The following TPST1 variants were observed in gnomAD, a reference collection of about 807,000 sequenced individuals.
The protein encoded by TPST1 is tyrosylprotein sulfotransferase 1, also known as protein-tyrosine sulfotransferase 1.
In TPST1, 20 loss-of-function variants were observed where a neutral mutation model predicts 34.8. That is an observed-to-expected ratio of 0.57 (90% confidence interval 0.40 to 0.84). The LOEUF is 0.84. Ranked by LOEUF, TPST1 falls within the 40% of genes least tolerant of loss-of-function variation. The probability of loss-of-function intolerance (pLI) is 0.00; values close to 1 mark genes in which losing one functional copy is unlikely to be tolerated. For missense variants in TPST1, 353 were observed against 455.5 expected (o/e 0.78, Z 2.05); for synonymous variants, 152 against 159.4 (o/e 0.95, Z 0.35).
rs576111150 is a variant in TPST1, at chr7:66,271,327, C to T, written c.846-15184C>T. Among the ~76,000 whole-genome samples, 103 of 152,182 alleles carry T rather than the reference C, an allele frequency of 6.8e-4. 2 individuals carry two copies. The South Asian group carries it at 8.9e-3, about 13-fold the overall frequency. ...GTGATCAGCTGGGACTACAGGTGCC[C>T]GCCGCCACGCCCGGCTAATTTTTGT... On this transcript the variant is annotated intron_variant, in intron 2 of 5. Transcript: ENST00000304842.
chr7:66,231,495 G>A (rs1789791680), intron 1 of TPST1, among the ~76,000 whole-genome samples: 1 of 152,250 alleles, frequency 6.6e-6, no homozygotes, highest in Admixed American at 6.5e-5. Context: ...CAGGTCCTGA[G>A]CCCTGCCCCG....
intron 2 of TPST1, among the ~76,000 whole-genome samples, chr7:66,248,503 G>GTTTTTTTT (rs373801835): frequency 8.0e-6 from 1 of 124,286 alleles, no homozygotes; most frequent in Non-Finnish European, 1.6e-5. Flanking sequence ...AACATTTAGT[G>GTTTTTTTT]TTTTTTTTTT....
At chr7:66,340,359 C>T (rs978507849) in intron 3 of TPST1, among the ~76,000 whole-genome samples, 5 of 152,248 alleles carry the variant, frequency 3.3e-5, no homozygotes, top group Middle Eastern at 3.4e-3. Context: ...CTAACCACTT[C>T]TGTTCAACTT....
chr7:66,293,737 T>C (rs1000047648), intron 3 of TPST1, among the ~76,000 whole-genome samples: 2 of 152,198 alleles, frequency 1.3e-5, no homozygotes, highest in East Asian at 3.8e-4. Flanking sequence ...TTTCTGTAAA[T>C]CTAATAGCCA....
At chr7:66,275,958 CATGTT>C (rs551246575) in intron 2 of TPST1, among the ~76,000 whole-genome samples, 2 of 151,460 alleles carry the variant, frequency 1.3e-5, no homozygotes, top group Non-Finnish European at 2.9e-5. Context: ...TATTTTAAAA[CATGTT>C]ATATATTCAG....
intron 1 of TPST1, among the ~76,000 whole-genome samples, chr7:66,227,502 A>G (rs12698515): frequency 0.99 from 151,079 of 152,068 alleles, 75,049 homozygotes; most frequent in East Asian, 1. Context: ...GGCTCACTGC[A>G]GCGTCGACCT....
At chr7:66,216,846 G>A (rs952000850) in intron 1 of TPST1, among the ~76,000 whole-genome samples, 9 of 152,312 alleles carry the variant, frequency 5.9e-5, no homozygotes, top group African/African-American at 1.9e-4. Flanking sequence ...AGGTGTTTAC[G>A]CTATAAATTC....
rs150232796 is a variant in TPST1 at position 66,264,056 on chromosome 7, G to T, written c.846-22455G>T. Among the ~76,000 whole-genome samples the T allele has an allele frequency of 1.1e-3, 163 of 152,304 alleles. 6 individuals carry two copies. The East Asian group carries it at 0.029, about 28-fold the overall frequency. On this transcript the variant is annotated intron_variant, in intron 2 of 5. Transcript: ENST00000304842. ...TGGAGGGAGCAGAACAGACCTCATT[G>T]TAAGTATTTGTTTTGCCTTCTTAGG...
At chr7:66,201,546 C>T (rs1789035875), upstream of TPST1, among the ~76,000 whole-genome samples, 3 of 152,120 alleles carry the variant, frequency 2.0e-5, no homozygotes, top group Admixed American at 1.3e-4. Flanking sequence ...CAAAAATTAG[C>T]TGGGCGTGGT....
chr7:66,309,649 AG>A (rs1345893430), intron 3 of TPST1, among the ~76,000 whole-genome samples: 1 of 152,234 alleles, frequency 6.6e-6, no homozygotes, highest in Non-Finnish European at 1.5e-5. Flanking sequence ...TATAAGGCAC[AG>A]GAACTGTTGC....
intron 3 of TPST1, among the ~76,000 whole-genome samples, chr7:66,328,188 A>G (rs1187006144): frequency 2.0e-5 from 3 of 151,220 alleles, no homozygotes; most frequent in Admixed American, 2.0e-4. Context: ...CACCATGCCC[A>G]GCTAATTTTT....
Position 66,352,567 on chromosome 7 carries a change from G to T in TPST1, c.1095+12G>T. The T allele has an allele frequency of 6.2e-7, 1 of 1,612,684 alleles. No individual in the cohort carries two copies. The highest frequency in any genetic ancestry group is 8.5e-7 in the Non-Finnish European group (1 of 1,179,688). The stretch of plus-strand genomic sequence containing the variant: ...AAGAAAAACCACAGGTACTGTGTCT[G>T]CTTTTTCCTCCTGATGTATACTAGA... On this transcript the variant is annotated intron_variant, in intron 4 of 5. Transcript: ENST00000304842.
intron 2 of TPST1, among the ~76,000 whole-genome samples, chr7:66,271,637 T>C (rs1790707238): frequency 6.6e-6 from 1 of 152,224 alleles, no homozygotes. Flanking sequence ...TCTTTCTGTG[T>C]CTAATTTATT....
rs545274012 is a variant in TPST1 at position 66,273,133 on chromosome 7, T to C, written c.846-13378T>C. On this transcript the variant is annotated intron_variant, in intron 2 of 5. Coordinates refer to ENST00000304842, the MANE Select transcript of TPST1 (RefSeq NM_003596.4). ...AAAAATCAGTAGTGTTTCTATACAC[T>C]AACAATGAACTGTCCAAAAAAGAAA... Among the ~76,000 whole-genome samples the C allele has an allele frequency of 2.6e-5, 4 of 152,250 alleles. No individual in the cohort carries two copies. In the South Asian group the frequency reaches 8.3e-4, roughly 32 times the overall value.
chr7:66,199,660 C>T, the TPST1 span, among the ~76,000 whole-genome samples: 1 of 151,910 alleles, frequency 6.6e-6, no homozygotes. Context: ...CATCTTCCCT[C>T]CGTGCCAGAC....
chr7:66,274,961 G>A (rs1790776415), intron 2 of TPST1, among the ~76,000 whole-genome samples: 4 of 152,126 alleles, frequency 2.6e-5, no homozygotes, highest in South Asian at 2.1e-4. Flanking sequence ...TTGGGAGGCC[G>A]AGGTGGGTGG....
intron 3 of TPST1, among the ~76,000 whole-genome samples, chr7:66,331,653 C>T (rs1447554823): frequency 5.9e-5 from 9 of 152,104 alleles, no homozygotes; most frequent in African/African-American, 2.2e-4. Flanking sequence ...AGGTGTCTGT[C>T]TTCTCCTTAT....
intron 2 of TPST1, among the ~76,000 whole-genome samples, chr7:66,269,287 A>G (rs188010510): frequency 2.6e-4 from 40 of 152,352 alleles, no homozygotes; most frequent in African/African-American, 8.2e-4. Context: ...ACCCAATAGA[A>G]ATTACATAAA....
intron 1 of TPST1, 78 bp from the exon 2 acceptor site, chr7:66,240,247 A>G: frequency 4.0e-6 from 3 of 741,330 alleles, no homozygotes; most frequent in Non-Finnish European, 6.4e-6. Flanking sequence ...TCTACCTAAA[A>G]TGCAGTGGTG....
Sources: gnomAD v4.1 joint callset for allele counts (sites outside exome capture counted in the v4.1 genomes callset) on GRCh38, gnomAD v4.1.1 for gene constraint, MANE v1.5 for transcripts, NCBI Gene and HGNC (gene_info 2026-07-23, HGNC 2026-07-21) for gene names.